Variants in SETD4 observed in about 807,000 individuals in gnomAD.
The protein encoded by SETD4 is SET domain containing 4.
SETD4 carries 46 observed loss-of-function variants against 58.3 expected under a neutral mutation model. The ratio of observed to expected loss-of-function variants is 0.79; its 90% CI spans 0.62 to 1.01. SETD4 has a LOEUF of 1.01. SETD4 is among the 50% of genes least tolerant of loss of function. The pLI is 0.00. For synonymous variants in SETD4, 190 were observed against 202.6 expected, an observed-to-expected ratio of 0.94 and a Z score of 0.53; for missense variants, 490 against 523.3, an observed-to-expected ratio of 0.94 and a Z score of 0.62.
Position 36,058,827 on chromosome 21 carries a change from T to C in SETD4, c.62A>G (p.Glu21Gly), listed in dbSNP as rs1354441607. The change falls in exon 2 of 12, where the codon GAA (glutamate) becomes GGA (glycine). Residue 21 changes from glutamate to glycine, a missense_variant. Coordinates refer to ENST00000332131, the MANE Select transcript of SETD4 (RefSeq NM_017438.5). ...AAGAAAAACCATACCTCCTCTTGATTCAGAACTTCCGCAGAGTTTTCGTCT... is the reference window on the plus strand; with the variant it reads ...AAGAAAAACCATACCTCCTCTTGATCCAGAACTTCCGCAGAGTTTTCGTCT... ...IRRRKLCGSS[E>G]SRGVNESHKS... The C allele has an allele frequency of 1.1e-5, 17 of 1,601,128 alleles. No individual in the cohort carries two copies. The highest frequency in any genetic ancestry group is 1.4e-5 in the Non-Finnish European group (16 of 1,175,760).
intron 4 of SETD4, 178 bp downstream of exon 4, chr21:36,053,405 G>T: frequency 1.5e-6 from 1 of 662,324 alleles, no homozygotes; most frequent in Non-Finnish European, 2.6e-6. Context: ...TCAATTTTGG[G>T]CTTGTCTTTT....
chr21:36,045,953 G>A lies in SETD4; in HGVS notation c.355C>T (p.His119Tyr), dbSNP rs752015051. 1 of 1,614,210 alleles carries A rather than the reference G, an allele frequency of 6.2e-7. No homozygotes were observed. The highest frequency in any genetic ancestry group is 1.1e-5 in the South Asian group (1 of 91,088). ...TTCCAAAGAGATCGGTGCCCAGCAT[G>A]CTTTTCTGAAACTAAAAAGGTGCAC... The part of the protein sequence containing the change: ...ALCTFLVSEK[H>Y]AGHRSLWKPY... The change falls in exon 6 of 12, where the codon CAT becomes TAT. Residue 119 changes from histidine (H) to tyrosine (Y), a missense_variant. Transcript: ENST00000332131.
chr21:36,043,622 T>C, intron 7 of SETD4, 160 bp downstream of exon 7: 2 of 1,415,264 alleles, frequency 1.4e-6, no homozygotes, highest in Middle Eastern at 2.6e-4. Context: ...ACACTGAAAT[T>C]ACAGCCAGTA....
chr21:36,050,396 G>A, intron 4 of SETD4: 5 of 1,614,192 alleles, frequency 3.1e-6, no homozygotes, highest in Non-Finnish European at 4.2e-6. Context: ...ACTTGGGTCT[G>A]CGGATCAATG....
Position 36,048,414 on chromosome 21 carries a change from A to T in SETD4, c.208-18T>A. 1.2e-6 allele frequency: 2 copies of T among 1,611,700 alleles called. No homozygotes were observed. Among genetic ancestry groups the T allele is most frequent in the Non-Finnish European group, 1.7e-6 (2 of 1,177,848 alleles). ...TGTCCCTCCTGGCCAAAAGGAAAGTAAAGTTGAGGACGCCTATGCTTTGGG... is the reference window on the plus strand; with the variant it reads ...TGTCCCTCCTGGCCAAAAGGAAAGTTAAGTTGAGGACGCCTATGCTTTGGG... On this transcript the variant is annotated intron_variant, in intron 4 of 11. Coordinates refer to ENST00000332131, the MANE Select transcript of SETD4 (RefSeq NM_017438.5).
rs773699135 is a variant in SETD4, at chr21:36,043,781, C to T, written c.901+1G>A. ...ATGTTAAGAACAAAGTTGATTCCAA[C>T]CTCTTGAGACATAAACACAAGCATG... On this transcript the variant is annotated splice_donor_variant, in intron 7 of 11. Transcript: ENST00000332131. LOFTEE classifies it high-confidence loss of function. 2 of 1,613,944 alleles carry T rather than the reference C, an allele frequency of 1.2e-6. No homozygotes were observed. The highest frequency in any genetic ancestry group is 4.5e-5 in the East Asian group (2 of 44,882).
At chr21:36,039,850 G>A (rs1315356658) in intron 9 of SETD4, among the ~76,000 whole-genome samples, 4 of 152,240 alleles carry the variant, frequency 2.6e-5, no homozygotes, top group Admixed American at 1.3e-4. Context: ...AAGAACAGGC[G>A]TCACTGAAGG....
chr21:36,051,423 T>G, intron 4 of SETD4: 1 of 1,442,930 alleles, frequency 6.9e-7, no homozygotes, highest in South Asian at 1.6e-5. Context: ...ACTTTCTTTC[T>G]TTTTTCTTTT....
At chr21:36,043,361 T>A (rs2064155998) in intron 7 of SETD4, 1 of 619,262 alleles carries the variant, frequency 1.6e-6, no homozygotes, top group African/African-American at 2.0e-5. Context: ...AAACAAGGAC[T>A]ATAGGTAGAT....
chr21:36,054,870 G>C (rs930095594), intron 3 of SETD4, among the ~76,000 whole-genome samples: 2 of 134,956 alleles, frequency 1.5e-5, no homozygotes, highest in African/African-American at 2.8e-5. Context: ...CTCATGGTGG[G>C]AATTCCTGCC....
At position 36,048,459 on chromosome 21, in the gene SETD4, T is replaced by A. The variant is rs551130544; in HGVS notation, c.208-63A>T. On this transcript the variant is annotated intron_variant, in intron 4 of 11. Transcript: ENST00000332131. ...TTTGGGAAGGACCCATGAGTATGAGTCTTACAAAGTCGTTGATCCCACAAT... is the reference window on the plus strand; with the variant it reads ...TTTGGGAAGGACCCATGAGTATGAGACTTACAAAGTCGTTGATCCCACAAT... 7.1e-5 allele frequency: 104 copies of A among 1,456,142 alleles called. No individual in the cohort carries two copies. In the African/African-American group the frequency reaches 1.3e-3, roughly 19 times the overall value. 90.2% of individuals were successfully genotyped at this position (1,456,142 alleles called of 1,614,324 possible).
chr21:36,038,391 T>G, intron 9 of SETD4, 118 bp from the exon 10 acceptor site: 1 of 1,250,606 alleles, frequency 8.0e-7, no homozygotes, highest in Non-Finnish European at 1.1e-6. Context: ...ATACAACTCA[T>G]TCCATAAGCA....
At chr21:36,047,323 G>A (rs551417278) in intron 5 of SETD4, among the ~76,000 whole-genome samples, 2 of 152,096 alleles carry the variant, frequency 1.3e-5, no homozygotes, top group South Asian at 4.1e-4. Flanking sequence ...ACTGCGGGTC[G>A]CTCTCACTCT....
chr21:36,048,779 G>A (rs1025036388), intron 4 of SETD4, among the ~76,000 whole-genome samples: 7 of 145,694 alleles, frequency 4.8e-5, no homozygotes, highest in Non-Finnish European at 1.0e-4. Context: ...GTGCAATGGC[G>A]TGATCTCAGC....
chr21:36,039,553 G>A (rs1245623392), intron 9 of SETD4, among the ~76,000 whole-genome samples: 2 of 152,184 alleles, frequency 1.3e-5, no homozygotes, highest in East Asian at 1.9e-4. Flanking sequence ...CAAGACAAAG[G>A]AAGACAAAAG....
intron 10 of SETD4, 122 bp from the exon 11 acceptor site, chr21:36,036,373 T>C: frequency 9.8e-7 from 1 of 1,020,036 alleles, no homozygotes; most frequent in Non-Finnish European, 1.4e-6. Flanking sequence ...ACATTCACAT[T>C]GTTTAGATCC....
Position 36,041,796 on chromosome 21 carries a change from G to T in SETD4, c.983+11C>A, listed in dbSNP as rs762523805. 16 of 1,464,334 alleles carry T rather than the reference G, an allele frequency of 1.1e-5. No homozygotes were observed. The highest frequency in any genetic ancestry group is 1.4e-5 in the Non-Finnish European group (15 of 1,081,928). The allele number at this position is 1,464,334 out of a possible 1,614,324, so 90.7% of individuals were successfully genotyped here. On this transcript the variant is annotated intron_variant, in intron 8 of 11. Coordinates refer to ENST00000332131, the MANE Select transcript of SETD4 (RefSeq NM_017438.5). ...AAGGAATAATTTTAAGAGGGAAAGA[G>T]AAACACTTACTCTATATAGCCATGA... is the stretch of plus-strand genomic sequence containing the variant.
In SETD4 at chr21:36,045,654, G is replaced by C. The variant is rs1568917109; in HGVS notation, c.654C>G (p.Cys218Trp). 6.2e-7 allele frequency: 1 copy of C among 1,614,132 alleles called. No homozygotes were observed. The highest frequency in any genetic ancestry group is 1.7e-5 in the Admixed American group (1 of 60,018). Residue 218 changes from cysteine to tryptophan, a missense_variant, in exon 6 of 12, where the codon TGC becomes TGG. Cys to Trp is a radical substitution (Grantham distance 215). Transcript: ENST00000332131. ...CACAGGTGTCCGGCTCTGCAGAAAG[G>C]CATTCCCGCTGCCTGGGCCTCAGGT... Reference protein sequence around the residue: ...AVYLRPRQRECLSAEPDTCAL... With the variant: ...AVYLRPRQREWLSAEPDTCAL...
intron 4 of SETD4, among the ~76,000 whole-genome samples, chr21:36,049,542 G>A (rs1434787181): frequency 1.3e-5 from 2 of 152,064 alleles, no homozygotes; most frequent in African/African-American, 2.4e-5. Context: ...GCGACAGAAC[G>A]TGACTCCGTC....
Sources: allele counts gnomAD v4.1 joint callset (sites outside exome capture counted in the v4.1 genomes callset), GRCh38; gene constraint gnomAD v4.1.1; transcripts MANE v1.5; gene names NCBI Gene and HGNC (gene_info 2026-07-23, HGNC 2026-07-21).